Variants in HDLBP observed in about 807,000 individuals in gnomAD.
HDLBP encodes high density lipoprotein binding protein.
In HDLBP, 30 loss-of-function variants were observed where a neutral mutation model predicts 137.3. The ratio of observed to expected loss-of-function variants is 0.22; its 90% confidence interval spans 0.16 to 0.30. The LOEUF (loss-of-function observed/expected upper bound fraction) is 0.30. HDLBP is among the 10% of genes least tolerant of loss of function. The probability of loss-of-function intolerance (pLI) is 1.00; values close to 1 mark genes in which losing one functional copy is unlikely to be tolerated. For missense variants in HDLBP, 1,119 were observed against 1,667.3 expected, an observed-to-expected ratio of 0.67 and a Z score of 5.73; for synonymous variants, 606 against 596.0, an observed-to-expected ratio of 1.02 and a Z score of -0.24.
intron 4 of HDLBP, 132 bp downstream of exon 4, chr2:241,264,316 C>T (rs1400352092): frequency 3.9e-5 from 22 of 564,662 alleles, no homozygotes; most frequent in Non-Finnish European, 5.7e-5. Context: ...GAGCCGAGAT[C>T]GCACCACTGC....
chr2:241,242,335 T>C (rs2149414594), intron 17 of HDLBP, 125 bp downstream of exon 17: 1 of 767,850 alleles, frequency 1.3e-6, no homozygotes, highest in African/African-American at 1.7e-5. Context: ...AAACAGTACA[T>C]TATAGAGCTG....
Position 241,235,571 on chromosome 2 carries a change from T to C in HDLBP, c.2928A>G (p.Glu976=). ...ALEALVPVTI[E]VEVPFDLHRY... is the part of the protein sequence containing the mutation. ...GGTGAAGGTCAAAGGGCACCTCTAC[T>C]TCAATGGTGACAGGAACCAATGCCT... Residue 976 remains glutamate, a synonymous_variant, in exon 22 of 28, where the codon GAA becomes GAG. Coordinates refer to ENST00000310931, the MANE Select transcript of HDLBP (RefSeq NM_005336.6). The C allele has an allele frequency of 1.2e-6, 2 of 1,613,970 alleles. No homozygotes were observed. Among genetic ancestry groups the C allele is most frequent in the African/African-American group, 1.3e-5 (1 of 75,030 alleles).
chr2:241,281,979 A>C (rs955975342), intron 1 of HDLBP, among the ~76,000 whole-genome samples: 4 of 152,234 alleles, frequency 2.6e-5, no homozygotes, highest in African/African-American at 9.6e-5. Context: ...TTTATATAAC[A>C]ATCTTAAGGA....
chr2:241,313,858 AC>A (rs949908187), intron 1 of HDLBP, among the ~76,000 whole-genome samples: 8 of 152,230 alleles, frequency 5.3e-5, no homozygotes, highest in Non-Finnish European at 1.2e-4. Context: ...ATATAGGTCA[AC>A]TATATCTTTG....
At chr2:241,259,713 A>C (rs1028261393) in intron 5 of HDLBP, among the ~76,000 whole-genome samples, 1 of 152,100 alleles carries the variant, frequency 6.6e-6, no homozygotes, top group Non-Finnish European at 1.5e-5. Flanking sequence ...GTGCTCATGC[A>C]ATCTGCTCAC....
At chr2:241,232,789 G>C (rs1384374322) in intron 24 of HDLBP, among the ~76,000 whole-genome samples, 1 of 151,950 alleles carries the variant, frequency 6.6e-6, no homozygotes, top group Non-Finnish European at 1.5e-5. Flanking sequence ...ACTCCACCTG[G>C]GGCAACAAGA....
intron 1 of HDLBP, among the ~76,000 whole-genome samples, chr2:241,294,770 A>G (rs141758521): frequency 2.2e-4 from 34 of 152,368 alleles, no homozygotes; most frequent in African/African-American, 6.0e-4. Context: ...CTAGGGATAC[A>G]GTTTTAAAAT....
At chr2:241,310,492 C>T (rs1350306009) in intron 1 of HDLBP, among the ~76,000 whole-genome samples, 1 of 151,982 alleles carries the variant, frequency 6.6e-6, no homozygotes. Context: ...TTTATTGTAT[C>T]CATAAATCGT....
intron 12 of HDLBP, 23 bp from the exon 13 acceptor site, chr2:241,248,371 T>A: frequency 1.3e-6 from 2 of 1,573,086 alleles, no homozygotes; most frequent in Non-Finnish European, 1.8e-6. Context: ...TTAAAGTAGA[T>A]GTCATTTATC....
intron 1 of HDLBP, chr2:241,271,790 G>A (rs2074060701): frequency 6.6e-6 from 1 of 152,238 alleles, no homozygotes. Context: ...AATTACTCAA[G>A]ACCACAAACC....
At chr2:241,288,460 G>T (rs915572746) in intron 1 of HDLBP, among the ~76,000 whole-genome samples, 1 of 152,128 alleles carries the variant, frequency 6.6e-6, no homozygotes, top group Non-Finnish European at 1.5e-5. Context: ...CACTAAGAGT[G>T]AGCATGCTTT....
chr2:241,235,857 C>T (rs534129894), intron 21 of HDLBP, among the ~76,000 whole-genome samples: 29 of 152,350 alleles, frequency 1.9e-4, no homozygotes, highest in African/African-American at 6.3e-4. Context: ...TTCAGGCCCA[C>T]GTAGGAGGAG....
At chr2:241,273,689 C>G in intron 1 of HDLBP, 4 of 984,520 alleles carry the variant, frequency 4.1e-6, no homozygotes, top group Non-Finnish European at 4.8e-6. Context: ...CTACAGGTAT[C>G]TGGGGACAAG....
In HDLBP at chr2:241,229,517, C is replaced by G; in HGVS notation, c.*84G>C. On this transcript the variant is annotated 3_prime_UTR_variant, in exon 28 of 28. Coordinates refer to ENST00000310931, the MANE Select transcript of HDLBP (RefSeq NM_005336.6). ...GAGCGTCAACAATTTACGGAGGGTC[C>G]AGCCGCTGGGTCAGATTGAGACAAA... is the stretch of plus-strand genomic sequence containing the variant. The G allele has an allele frequency of 1.0e-6, 1 of 1,000,588 alleles. No individual in the cohort carries two copies. Among genetic ancestry groups the G allele is most frequent in the South Asian group, 1.5e-5 (1 of 68,652 alleles). 62.0% of individuals were successfully genotyped at this position (1,000,588 alleles called of 1,614,324 possible).
At position 241,235,378 on chromosome 2, in the gene HDLBP, A is replaced by C; in HGVS notation, c.3009+112T>G. 2.7e-6 allele frequency: 4 copies of C among 1,493,762 alleles called. No homozygotes were observed. The South Asian group carries it at 4.6e-5, about 17-fold the overall frequency. 92.5% of individuals were successfully genotyped at this position (1,493,762 alleles called of 1,614,324 possible). A position where few individuals can be genotyped will look rare whatever the true frequency, so the allele number is the denominator to read the frequency against. On this transcript the variant is annotated intron_variant, in intron 22 of 27. Coordinates refer to ENST00000310931, the MANE Select transcript of HDLBP (RefSeq NM_005336.6). ...CCGCCGTGAAGGGAAGTCAGTGCCC[A>C]GTCCGAGCAGGAGGAGGCAGAGTCA...
chr2:241,280,174 T>C (rs1422660993), intron 1 of HDLBP: 4 of 956,342 alleles, frequency 4.2e-6, no homozygotes, highest in African/African-American at 3.5e-5. Flanking sequence ...CAAAGAAATG[T>C]TTCCATCCCA....
chr2:241,245,760 C>T (rs1254344104), intron 16 of HDLBP, among the ~76,000 whole-genome samples: 2 of 152,116 alleles, frequency 1.3e-5, no homozygotes, highest in South Asian at 2.1e-4. Context: ...CATGACTGCA[C>T]CACTGCACTC....
At chr2:241,300,203 C>A (rs929947309) in intron 1 of HDLBP, among the ~76,000 whole-genome samples, 10 of 152,054 alleles carry the variant, frequency 6.6e-5, no homozygotes, top group Admixed American at 2.0e-4. Flanking sequence ...ATGGGGAACT[C>A]CCCCCACCCC....
chr2:241,239,862 C>T lies in HDLBP; in HGVS notation c.2391+39G>A, dbSNP rs200119371. 68 of 1,611,640 alleles carry T rather than the reference C, an allele frequency of 4.2e-5. No homozygotes were observed. The highest frequency in any genetic ancestry group is 3.5e-4 in the South Asian group (32 of 91,058). On this transcript the variant is annotated intron_variant, in intron 18 of 27. Transcript: ENST00000310931. The surrounding 1 kb of genome is among the most constrained non-coding windows in gnomAD (Gnocchi z 4.6). ...AGATGGAAGATAAGCCACCCCATCACGGCCCCAGCAGAGTCGGCCGCCGAG... is the reference window on the plus strand; with the variant it reads ...AGATGGAAGATAAGCCACCCCATCATGGCCCCAGCAGAGTCGGCCGCCGAG...
Sources: allele counts gnomAD v4.1 joint callset (sites outside exome capture counted in the v4.1 genomes callset), GRCh38; gene constraint gnomAD v4.1.1; non-coding constraint Gnocchi (gnomAD v3.1); transcripts MANE v1.5; gene names NCBI Gene and HGNC (gene_info 2026-07-23, HGNC 2026-07-21).